Variants in SRGAP2C observed in about 807,000 individuals in gnomAD.
The protein encoded by SRGAP2C is SLIT-ROBO Rho GTPase activating protein 2C, also known as SLIT-ROBO Rho GTPase-activating protein 2C.
Under a neutral mutation model 25.1 loss-of-function variants are expected in SRGAP2C, and 15 were observed. The ratio of observed to expected loss-of-function variants is 0.60; its 90% CI spans 0.40 to 0.92. The LOEUF is 0.92. Among genes scored for constraint, SRGAP2C ranks in the 40% least tolerant of loss-of-function variants. The probability of loss-of-function intolerance (pLI) is 0.00; values close to 1 mark genes in which losing one functional copy is unlikely to be tolerated. For missense variants in SRGAP2C, 144 were observed against 264.4 expected (o/e 0.54, Z 3.16); for synonymous variants, 44 against 96.6 (o/e 0.46, Z 3.19).
At chr1:121,377,901 C>A (rs1659708720) in intron 7 of SRGAP2C, among the ~76,000 whole-genome samples, 1 of 150,910 alleles carries the variant, frequency 6.6e-6, no homozygotes. Flanking sequence ...TTATGTGAAA[C>A]TTTTATGTTA....
rs1419373091 is a variant in SRGAP2C, at chr1:121,199,600, G to A, written c.67+12087G>A. Among the ~76,000 whole-genome samples, 2 of 79,032 alleles carry A rather than the reference G, an allele frequency of 2.5e-5. 1 individual carries two copies. The highest frequency in any genetic ancestry group is 1.2e-4 in the African/African-American group (2 of 16,454). The allele number at this position is 79,032 out of a possible 152,430, so 51.8% of individuals were successfully genotyped here. A position where few individuals can be genotyped will look rare whatever the true frequency, so the allele number is the denominator to read the frequency against. ...AAGGTCAGGAGTTCAAGACCAGCCT[G>A]GCCAACATGGTGAAACCCCGTCTCT... On this transcript the variant is annotated intron_variant, in intron 2 of 9. Coordinates refer to ENST00000367123, the MANE Select transcript of SRGAP2C (RefSeq NM_001329984.2).
At chr1:121,244,392 C>T (rs1436817277) in intron 2 of SRGAP2C, among the ~76,000 whole-genome samples, 3 of 112,844 alleles carry the variant, frequency 2.7e-5, no homozygotes, top group Admixed American at 8.9e-5. Context: ...GAAAACATGA[C>T]GTCAAATTGT....
intron 3 of SRGAP2C, among the ~76,000 whole-genome samples, chr1:121,308,976 A>G (rs1483488773): frequency 3.2e-5 from 4 of 126,872 alleles, no homozygotes; most frequent in African/African-American, 5.9e-5. Context: ...CCTATTTAGT[A>G]TACTAATGAA....
At chr1:121,379,237 C>T (rs1553354183) in intron 7 of SRGAP2C, among the ~76,000 whole-genome samples, 1 of 152,026 alleles carries the variant, frequency 6.6e-6, no homozygotes, top group Non-Finnish European at 1.5e-5. Context: ...CCCATTTTTC[C>T]TTTCCAGGCC....
intron 2 of SRGAP2C, among the ~76,000 whole-genome samples, chr1:121,226,251 C>T (rs1215441030): frequency 1.1e-5 from 1 of 90,996 alleles, no homozygotes; most frequent in Non-Finnish European, 2.2e-5. Flanking sequence ...GAAGAAAAGA[C>T]TTTTTTTTTT....
At chr1:121,199,015 C>G (rs587638085) in intron 2 of SRGAP2C, among the ~76,000 whole-genome samples, 84 of 152,178 alleles carry the variant, frequency 5.5e-4, no homozygotes, top group African/African-American at 2.0e-3. Context: ...AATTCTTGGC[C>G]CTTATAATAA....
chr1:121,320,752 A>G (rs1658183122), intron 3 of SRGAP2C, among the ~76,000 whole-genome samples: 1 of 152,196 alleles, frequency 6.6e-6, no homozygotes, highest in African/African-American at 2.4e-5. Context: ...CTTTTGTTTT[A>G]AAGTTGAGTC....
At chr1:121,268,231 A>G (rs1319601544) in intron 2 of SRGAP2C, among the ~76,000 whole-genome samples, 1 of 151,190 alleles carries the variant, frequency 6.6e-6, no homozygotes, top group Non-Finnish European at 1.5e-5. Flanking sequence ...GGCTGCTGTG[A>G]GCAGAGAGCT....
intron 2 of SRGAP2C, among the ~76,000 whole-genome samples, chr1:121,227,830 G>A (rs1231676949): frequency 2.0e-5 from 3 of 150,838 alleles, no homozygotes; most frequent in Non-Finnish European, 4.4e-5. Context: ...GGTTGACAGG[G>A]AGCCAAGTGA....
chr1:121,392,300 TCC>T lies in SRGAP2C; in HGVS notation c.*4446_*4447del, dbSNP rs1273350654. 6.6e-6 allele frequency: 1 copy of T among 152,162 alleles called. No individual in the cohort carries two copies. The highest frequency in any genetic ancestry group is 1.9e-4 in the East Asian group (1 of 5,194). The allele number at this position is 152,162 out of a possible 1,614,324, so 9.4% of individuals were successfully genotyped here. On this transcript the variant is annotated 3_prime_UTR_variant, in exon 10 of 10. Transcript: ENST00000367123. ...TTTCTTCCTTCTTCCTTCCCCCTCC[TCC>T]TTTTTACTTTTCTTCCTCTTCCTTT...
intron 7 of SRGAP2C, among the ~76,000 whole-genome samples, chr1:121,376,009 T>C (rs1659636830): frequency 6.8e-6 from 1 of 147,704 alleles, no homozygotes; most frequent in East Asian, 2.0e-4. Flanking sequence ...AGATAAGCTT[T>C]TTGTTTTTTG....
intron 2 of SRGAP2C, among the ~76,000 whole-genome samples, chr1:121,266,081 T>C (rs1656771467): frequency 6.6e-6 from 1 of 151,826 alleles, no homozygotes; most frequent in African/African-American, 2.4e-5. Context: ...TTCAAGTGAT[T>C]GTCATGCCTC....
chr1:121,266,386 G>A (rs1553334286), intron 2 of SRGAP2C, among the ~76,000 whole-genome samples: 1 of 151,228 alleles, frequency 6.6e-6, no homozygotes, highest in African/African-American at 2.4e-5. Flanking sequence ...GGCCTAAGTG[G>A]TGGTTGCAAA....
At chr1:121,223,079 G>T (rs1264299643) in intron 2 of SRGAP2C, among the ~76,000 whole-genome samples, 2 of 152,038 alleles carry the variant, frequency 1.3e-5, no homozygotes, top group African/African-American at 4.8e-5. Context: ...GCAGTATGGT[G>T]CTTGGGTCAG....
intron 3 of SRGAP2C, among the ~76,000 whole-genome samples, chr1:121,289,185 A>G (rs1184161285): frequency 1.3e-5 from 2 of 149,468 alleles, no homozygotes; most frequent in African/African-American, 2.5e-5. Flanking sequence ...CTCCGGCCGC[A>G]CAGGAGCCCA....
rs60027326 is a variant in SRGAP2C at position 121,235,626 on chromosome 1, GTTT to G, written c.67+48126_67+48128del. ...GCTCACATTCTGTCTTGCTTTTTCT[GTTT>G]TTTTTTTTTTTTAGGAGGGGGTTCA... is the stretch of plus-strand genomic sequence containing the variant. On this transcript the variant is annotated intron_variant, in intron 2 of 9. Transcript: ENST00000367123. Among the ~76,000 whole-genome samples, 71 of 45,738 alleles carry G rather than the reference GTTT, an allele frequency of 1.6e-3. 21 individuals are homozygous for G. The Middle Eastern group carries it at 0.022, about 14-fold the overall frequency. 30.0% of individuals were successfully genotyped at this position (45,738 alleles called of 152,430 possible).
chr1:121,250,277 C>G lies in SRGAP2C; in HGVS notation c.68-34526C>G, dbSNP rs1656324251. 2.2e-5 allele frequency among the ~76,000 whole-genome samples: 2 copies of G among 92,558 alleles called. 1 individual carries two copies. Among genetic ancestry groups the G allele is most frequent in the African/African-American group, 9.0e-5 (2 of 22,152 alleles). 60.7% of individuals were successfully genotyped at this position (92,558 alleles called of 152,430 possible). A position where few individuals can be genotyped will look rare whatever the true frequency, so the allele number is the denominator to read the frequency against. ...GGACTCCCCTAAATAGAAAAACGGG[C>G]AAAGAAAACAAACCACAGAGTGAAT... On this transcript the variant is annotated intron_variant, in intron 2 of 9. Transcript: ENST00000367123.
At chr1:121,374,688 T>C (rs1457093442) in intron 6 of SRGAP2C, 138 bp from the exon 7 acceptor site, 1 of 611,622 alleles carries the variant, frequency 1.6e-6, no homozygotes, top group Non-Finnish European at 3.0e-6. Flanking sequence ...TAAACAGAAT[T>C]AGAACCCAAT....
chr1:121,295,843 C>T (rs1331560750), intron 3 of SRGAP2C, among the ~76,000 whole-genome samples: 34 of 152,124 alleles, frequency 2.2e-4, no homozygotes, highest in Non-Finnish European at 4.1e-4. Flanking sequence ...CTCACTGCAT[C>T]CTCTGCCTCC....
Sources: gnomAD v4.1 joint callset for allele counts (sites outside exome capture counted in the v4.1 genomes callset) on GRCh38, gnomAD v4.1.1 for gene constraint, MANE v1.5 for transcripts, NCBI Gene and HGNC (gene_info 2026-07-23, HGNC 2026-07-21) for gene names.